The following GRIA4 variants were observed in gnomAD, a reference collection of about 807,000 sequenced individuals.
GRIA4 encodes glutamate receptor 4.
A neutral mutation model predicts 104.0 loss-of-function variants in GRIA4; 34 were observed. The observed-to-expected ratio is 0.33, with a 90% CI of 0.25 to 0.44. GRIA4 has a LOEUF of 0.44. Among genes scored for constraint, GRIA4 ranks in the 20% least tolerant of loss-of-function variants. The pLI, the probability that GRIA4 is intolerant of heterozygous loss-of-function variation, is 1.00. For synonymous variants in GRIA4, 386 were observed against 381.9 expected, an observed-to-expected ratio of 1.01 and a Z score of -0.13; for missense variants, 750 against 1,096.5, an observed-to-expected ratio of 0.68 and a Z score of 4.46.
intron 3 of GRIA4, among the ~76,000 whole-genome samples, chr11:105,675,097 A>G (rs1329276058): frequency 2.0e-5 from 3 of 151,884 alleles, no homozygotes; most frequent in Non-Finnish European, 4.4e-5. Context: ...AATTTTCATT[A>G]TAGCTGAGAC....
At chr11:105,829,862 C>G (rs1033940449) in intron 4 of GRIA4, among the ~76,000 whole-genome samples, 2 of 151,632 alleles carry the variant, frequency 1.3e-5, no homozygotes, top group Non-Finnish European at 2.9e-5. Flanking sequence ...GTTGGGGAGG[C>G]ATGTGAATGA....
At chr11:105,943,621 C>T (rs1049903703) in intron 14 of GRIA4, among the ~76,000 whole-genome samples, 15 of 152,016 alleles carry the variant, frequency 9.9e-5, no homozygotes, top group Non-Finnish European at 1.6e-4. Context: ...ATTCACTTTA[C>T]GCCCTGAAGC....
intron 4 of GRIA4, among the ~76,000 whole-genome samples, chr11:105,768,642 G>A (rs1163207187): frequency 6.6e-6 from 1 of 151,976 alleles, no homozygotes; most frequent in Non-Finnish European, 1.5e-5. Flanking sequence ...GTGACGTTTT[G>A]GGGAAAGGGG....
In GRIA4 at chr11:105,739,673, C is replaced by T. The variant is rs140408030; in HGVS notation, c.248-13308C>T. ...TGAATTCTGGGCCCAGCATGCCTAT[C>T]CACCATCTGATTGAGCCTTTTCAAA... On this transcript the variant is annotated intron_variant, in intron 3 of 16. Coordinates refer to ENST00000282499, the MANE Select transcript of GRIA4 (RefSeq NM_000829.4). Among the ~76,000 whole-genome samples the T allele has an allele frequency of 3.0e-3, 457 of 152,152 alleles. 7 individuals are homozygous for T. The highest frequency in any genetic ancestry group is 0.011 in the African/African-American group (448 of 41,512).
intron 4 of GRIA4, among the ~76,000 whole-genome samples, chr11:105,843,925 T>A (rs942607630): frequency 2.0e-5 from 3 of 152,204 alleles, no homozygotes; most frequent in Non-Finnish European, 4.4e-5. Context: ...AGCTCTCAGT[T>A]ACAAAAAGAA....
intron 4 of GRIA4, among the ~76,000 whole-genome samples, chr11:105,846,125 A>G (rs1475961062): frequency 6.6e-6 from 1 of 152,122 alleles, no homozygotes; most frequent in Non-Finnish European, 1.5e-5. Flanking sequence ...AATAAGAAAA[A>G]TTTCCTGACC....
intron 4 of GRIA4, among the ~76,000 whole-genome samples, chr11:105,787,223 A>T (rs912714228): frequency 6.6e-6 from 1 of 152,122 alleles, no homozygotes; most frequent in African/African-American, 2.4e-5. Context: ...CTCATATTCA[A>T]ATTAATTAAT....
chr11:105,856,417 T>C (rs1190330246), intron 4 of GRIA4, among the ~76,000 whole-genome samples: 1 of 148,170 alleles, frequency 6.7e-6, no homozygotes, highest in Non-Finnish European at 1.5e-5. Context: ...CTTCCAAACA[T>C]ACAAAATAAA....
intron 5 of GRIA4, among the ~76,000 whole-genome samples, chr11:105,877,935 C>T (rs1314369342): frequency 6.6e-6 from 1 of 152,156 alleles, no homozygotes; most frequent in Non-Finnish European, 1.5e-5. Context: ...CATTCTCTGT[C>T]CAGTTTTGTT....
intron 9 of GRIA4, 81 bp from the exon 10 acceptor site, chr11:105,910,354 A>T: frequency 2.8e-6 from 2 of 710,210 alleles, no homozygotes. Flanking sequence ...TTGCTTACCT[A>T]TTCATACCCT....
At chr11:105,717,674 T>C (rs1954140890) in intron 3 of GRIA4, among the ~76,000 whole-genome samples, 1 of 152,040 alleles carries the variant, frequency 6.6e-6, no homozygotes. Flanking sequence ...AAACGAAGAT[T>C]TTTAAGTACA....
intron 4 of GRIA4, among the ~76,000 whole-genome samples, chr11:105,839,529 T>C (rs1486721994): frequency 6.6e-6 from 1 of 151,874 alleles, no homozygotes; most frequent in African/African-American, 2.4e-5. Flanking sequence ...TACTCTTCCT[T>C]ACAAAACACA....
chr11:105,752,937 T>G (rs766085764), intron 3 of GRIA4, 44 bp from the exon 4 acceptor site: 2 of 1,581,940 alleles, frequency 1.3e-6, no homozygotes, highest in Non-Finnish European at 1.7e-6. Context: ...GTCAACAATT[T>G]GAGTGTGCTA....
At chr11:105,735,145 A>C (rs1938852734) in intron 3 of GRIA4, among the ~76,000 whole-genome samples, 1 of 152,164 alleles carries the variant, frequency 6.6e-6, no homozygotes, top group Admixed American at 6.6e-5. Context: ...CAAACATGAA[A>C]TATTATTCAA....
At chr11:105,818,576 A>C (rs987376514) in intron 4 of GRIA4, among the ~76,000 whole-genome samples, 1 of 152,174 alleles carries the variant, frequency 6.6e-6, no homozygotes, top group Non-Finnish European at 1.5e-5. Flanking sequence ...CATTCCCAGA[A>C]TGTTCACAAA....
chr11:105,866,419 C>A (rs1460299937), intron 5 of GRIA4, among the ~76,000 whole-genome samples: 2 of 151,072 alleles, frequency 1.3e-5, no homozygotes, highest in Non-Finnish European at 3.0e-5. Flanking sequence ...TTTGTTAAGT[C>A]CCCACTGTGT....
At chr11:105,784,282 A>G (rs913330867) in intron 4 of GRIA4, among the ~76,000 whole-genome samples, 15 of 152,210 alleles carry the variant, frequency 9.9e-5, no homozygotes, top group Non-Finnish European at 1.9e-4. Flanking sequence ...ATTAATTGCA[A>G]TACAATTTAG....
intron 4 of GRIA4, among the ~76,000 whole-genome samples, chr11:105,771,781 A>C (rs187831413): frequency 1.2e-4 from 18 of 152,204 alleles, no homozygotes; most frequent in African/African-American, 3.9e-4. Flanking sequence ...GATTTGTAAC[A>C]ATTTGAAAAA....
At chr11:105,888,538 G>A (rs1946358256) in intron 6 of GRIA4, among the ~76,000 whole-genome samples, 2 of 151,500 alleles carry the variant, frequency 1.3e-5, no homozygotes, top group Middle Eastern at 3.4e-3. Flanking sequence ...CGCCCGCCTC[G>A]GCCTCCCAAA....
Sources: allele counts gnomAD v4.1 joint callset (sites outside exome capture counted in the v4.1 genomes callset), GRCh38; gene constraint gnomAD v4.1.1; transcripts MANE v1.5; gene names NCBI Gene and HGNC (gene_info 2026-07-23, HGNC 2026-07-21).